ABCF2: variants seen among roughly 807,000 people sequenced by gnomAD.
The protein encoded by ABCF2 is ATP-binding cassette sub-family F member 2.
A neutral mutation model predicts 76.9 loss-of-function variants in ABCF2; 37 were observed. That is an observed-to-expected ratio of 0.48 (90% CI 0.37 to 0.63). ABCF2 has a LOEUF of 0.63. Among genes scored for constraint, ABCF2 ranks in the 30% least tolerant of loss-of-function variants. ABCF2 has a pLI of 0.00. For missense variants in ABCF2, 524 were observed against 782.1 expected, an observed-to-expected ratio of 0.67 and a Z score of 3.94; for synonymous variants, 299 against 283.7, an observed-to-expected ratio of 1.05 and a Z score of -0.54.
At position 151,216,143 on chromosome 7, in the gene ABCF2, A is replaced by G. The variant is rs1333295624; in HGVS notation, c.1339-114T>C. The G allele has an allele frequency of 4.6e-6, 4 of 870,314 alleles. No homozygotes were observed. The African/African-American group carries it at 5.0e-5, about 11-fold the overall frequency. 53.9% of individuals were successfully genotyped at this position (870,314 alleles called of 1,614,324 possible). A position where few individuals can be genotyped will look rare whatever the true frequency, so the allele number is the denominator to read the frequency against. ...CACTGAACAAGACTCAACTTCCTAA[A>G]AAGAATACATCACCAACTCGCACAC... On this transcript the variant is annotated intron_variant, in intron 11 of 14. Coordinates refer to ENST00000287844, the MANE Select transcript of ABCF2 (RefSeq NM_007189.3).
chr7:151,221,357 G>A (rs113287139), intron 7 of ABCF2, among the ~76,000 whole-genome samples: 1 of 151,868 alleles, frequency 6.6e-6, no homozygotes, highest in Non-Finnish European at 1.5e-5. Flanking sequence ...CTGCCACCAC[G>A]CCTGGCTAAT....
chr7:151,218,083 C>G lies in ABCF2; in HGVS notation c.1336G>C (p.Glu446Gln). 1.2e-6 allele frequency: 2 copies of G among 1,611,882 alleles called. No homozygotes were observed. The highest frequency in any genetic ancestry group is 1.7e-6 in the Non-Finnish European group (2 of 1,177,936). ...KSTLLKLLTG[E>Q]LLPTDGMIRK... ...CCACGCCCACCTTGGCACCATACCTCTCCAGTTAGCAGCTTCAGAAGAGTT... is the reference window on the plus strand; with the variant it reads ...CCACGCCCACCTTGGCACCATACCTGTCCAGTTAGCAGCTTCAGAAGAGTT... The change falls in exon 11 of 15, where the codon GAG becomes CAG. Residue 446 changes from glutamate to glutamine, a missense_variant and splice_region_variant. By Grantham distance (29) the Glu-to-Gln change is conservative. This residue lies in a region of ABCF2 where 194 missense variants were observed against 348.6 expected (regional missense o/e 0.56). Transcript: ENST00000287844.
At chr7:151,226,587 G>T in intron 1 of ABCF2, 87 bp from the exon 2 acceptor site, 3 of 1,026,354 alleles carry the variant, frequency 2.9e-6, no homozygotes, top group Non-Finnish European at 4.1e-6. Flanking sequence ...AGGAATCTTC[G>T]TATCAACATC....
In ABCF2 at chr7:151,223,940, T is replaced by G. The variant is rs1235471973; in HGVS notation, c.542A>C (p.His181Pro). The G allele has an allele frequency of 6.2e-7, 1 of 1,613,080 alleles. No individual in the cohort carries two copies. The highest frequency in any genetic ancestry group is 1.1e-5 in the South Asian group (1 of 91,040). The change falls in exon 4 of 15, where the codon CAT (histidine) becomes CCT (proline). Residue 181 changes from histidine (H) to proline (P), a missense_variant. Coordinates refer to ENST00000287844, the MANE Select transcript of ABCF2 (RefSeq NM_007189.3). ...MLEKEAERLA[H>P]EDAECEKLME... ...CAGGTCTGGAGCCCTACCATCCTCATGAGCCAGCCGCTCTGCCTCTTTCTC... is the reference window on the plus strand; with the variant it reads ...CAGGTCTGGAGCCCTACCATCCTCAGGAGCCAGCCGCTCTGCCTCTTTCTC...
At position 151,215,200 on chromosome 7, in the gene ABCF2, G is replaced by T; in HGVS notation, c.1531-118C>A. On this transcript the variant is annotated intron_variant, in intron 13 of 14. Coordinates refer to ENST00000287844, the MANE Select transcript of ABCF2 (RefSeq NM_007189.3). This position sits in a 1 kb window ranked among gnomAD's most constrained non-coding sequence, Gnocchi z 4.6. The stretch of plus-strand genomic sequence containing the variant: ...AGCATCGCCATTTATAAAAAGTGAG[G>T]CTCAGAGAGACCCACTAGTCTCTTG... 1 of 1,022,930 alleles carries T rather than the reference G, an allele frequency of 9.8e-7. No individual in the cohort carries two copies. Among genetic ancestry groups the T allele is most frequent in the Non-Finnish European group, 1.5e-6 (1 of 689,290 alleles). The allele number at this position is 1,022,930 out of a possible 1,614,324, so 63.4% of individuals were successfully genotyped here.
Position 151,214,555 on chromosome 7 carries a change from C to T in ABCF2, c.1734+324G>A, listed in dbSNP as rs1224698160. 2.0e-5 allele frequency among the ~76,000 whole-genome samples: 3 copies of T among 152,196 alleles called. No homozygotes were observed. Among genetic ancestry groups the T allele is most frequent in the Non-Finnish European group, 4.4e-5 (3 of 68,046 alleles). On this transcript the variant is annotated intron_variant, in intron 14 of 14. Coordinates refer to ENST00000287844, the MANE Select transcript of ABCF2 (RefSeq NM_007189.3). This position sits in a 1 kb window ranked among gnomAD's most constrained non-coding sequence, Gnocchi z 4.9. ...GTGGTAGCTGTCTAATCAAAATCCTCCTTAGAATACTATTTTTGGACTGAA... is the reference window on the plus strand; with the variant it reads ...GTGGTAGCTGTCTAATCAAAATCCTTCTTAGAATACTATTTTTGGACTGAA...
At chr7:151,226,269 A>C in intron 2 of ABCF2, 36 bp downstream of exon 2, 1 of 1,604,116 alleles carries the variant, frequency 6.2e-7, no homozygotes, top group Non-Finnish European at 8.5e-7. Context: ...ATTAAGTCTT[A>C]GCAACCATCC....
Position 151,215,406 on chromosome 7 carries a change from T to C in ABCF2, c.1530+198A>G, listed in dbSNP as rs1377363547. Among the ~76,000 whole-genome samples, 1 of 152,202 alleles carries C rather than the reference T, an allele frequency of 6.6e-6. No individual in the cohort carries two copies. Among genetic ancestry groups the C allele is most frequent in the Non-Finnish European group, 1.5e-5 (1 of 68,026 alleles). ...AAGGGCATGTCAGAGACTGGCACGC[T>C]ATCCTTGCCCCCTCAAAATGCTCCA... On this transcript the variant is annotated intron_variant, in intron 13 of 14. Coordinates refer to ENST00000287844, the MANE Select transcript of ABCF2 (RefSeq NM_007189.3). This position sits in a 1 kb window ranked among gnomAD's most constrained non-coding sequence, Gnocchi z 4.6.
rs184763994 is a variant in ABCF2, at chr7:151,215,774, C to T, written c.1402-42G>A. ...AGCCACCCGGGTGTGACTGGCATCC[C>T]GCTTCAAAATAAACCCTACTAGGTA... is the stretch of plus-strand genomic sequence containing the variant. On this transcript the variant is annotated intron_variant, in intron 12 of 14. Transcript: ENST00000287844. This position sits in a 1 kb window ranked among gnomAD's most constrained non-coding sequence, Gnocchi z 4.6. The T allele has an allele frequency of 1.5e-4, 236 of 1,613,670 alleles. 1 individual carries two copies. In the East Asian group the frequency reaches 4.9e-3, roughly 34 times the overall value.
At chr7:151,220,829 A>C (rs906228000) in intron 7 of ABCF2, among the ~76,000 whole-genome samples, 5 of 152,266 alleles carry the variant, frequency 3.3e-5, no homozygotes, top group Admixed American at 2.6e-4. Flanking sequence ...CTCTACTAAA[A>C]ATACAAAAAC....
Position 151,215,147 on chromosome 7 carries a change from T to G in ABCF2, c.1531-65A>C. ...CCCGCCAAACAGCACAGCTCATCTC[T>G]CCCTCATTTCTCCCTGACTCCTCCA... is the stretch of plus-strand genomic sequence containing the variant. On this transcript the variant is annotated intron_variant, in intron 13 of 14. Transcript: ENST00000287844. This position sits in a 1 kb window ranked among gnomAD's most constrained non-coding sequence, Gnocchi z 4.6. 3 of 1,427,898 alleles carry G rather than the reference T, an allele frequency of 2.1e-6. No individual in the cohort carries two copies. The highest frequency in any genetic ancestry group is 1.9e-6 in the Non-Finnish European group (2 of 1,033,232). The allele number at this position is 1,427,898 out of a possible 1,614,324, so 88.5% of individuals were successfully genotyped here. A position where few individuals can be genotyped will look rare whatever the true frequency, so the allele number is the denominator to read the frequency against.
chr7:151,218,222 A>G (rs777382541), intron 10 of ABCF2, 31 bp from the exon 11 acceptor site: 5 of 1,468,948 alleles, frequency 3.4e-6, no homozygotes, highest in Middle Eastern at 3.4e-4. Flanking sequence ...ATGTGGACAC[A>G]AGGCTAGAAT....
chr7:151,211,540 T>C lies in ABCF2; in HGVS notation c.*2514A>G. 1 of 985,298 alleles carries C rather than the reference T, an allele frequency of 1.0e-6. No individual in the cohort carries two copies. The highest frequency in any genetic ancestry group is 1.2e-6 in the Non-Finnish European group (1 of 829,810). 61.0% of individuals were successfully genotyped at this position (985,298 alleles called of 1,614,324 possible). A position where few individuals can be genotyped will look rare whatever the true frequency, so the allele number is the denominator to read the frequency against. On this transcript the variant is annotated 3_prime_UTR_variant, in exon 15 of 15. Coordinates refer to ENST00000287844, the MANE Select transcript of ABCF2 (RefSeq NM_007189.3). ...TAAAGCATTATTTAAATTACCAAGG[T>C]TGACATTTTTCTTGACAAATAAGCT...
chr7:151,220,712 G>A lies in ABCF2; in HGVS notation c.921+866C>T, dbSNP rs1390819076. Reference sequence around the variant, plus strand: ...ATTCAAGAAGGCAGAGGGAGGCCTCGTGTGGTGGCTCATGCCTGTTATCCC... The same window carrying A: ...ATTCAAGAAGGCAGAGGGAGGCCTCATGTGGTGGCTCATGCCTGTTATCCC... On this transcript the variant is annotated intron_variant, in intron 7 of 14. Coordinates refer to ENST00000287844, the MANE Select transcript of ABCF2 (RefSeq NM_007189.3). Among the ~76,000 whole-genome samples, 6 of 152,308 alleles carry A rather than the reference G, an allele frequency of 3.9e-5. No individual in the cohort carries two copies. The East Asian group carries it at 1.2e-3, about 29-fold the overall frequency.
chr7:151,214,770 CCTTCT>C lies in ABCF2; in HGVS notation c.1734+104_1734+108del, dbSNP rs1802116973. On this transcript the variant is annotated intron_variant, in intron 14 of 14. Coordinates refer to ENST00000287844, the MANE Select transcript of ABCF2 (RefSeq NM_007189.3). This position sits in a 1 kb window ranked among gnomAD's most constrained non-coding sequence, Gnocchi z 4.9. ...ACCACCTGTGTCTACACTCTGAGCC[CCTTCT>C]CTTAATTCAGTAGGCGGGTATTATG... 2 of 1,057,682 alleles carry C rather than the reference CCTTCT, an allele frequency of 1.9e-6. No individual in the cohort carries two copies. The highest frequency in any genetic ancestry group is 1.4e-5 in the South Asian group (1 of 69,748). 65.5% of individuals were successfully genotyped at this position (1,057,682 alleles called of 1,614,324 possible). A position where few individuals can be genotyped will look rare whatever the true frequency, so the allele number is the denominator to read the frequency against.
At chr7:151,223,899 C>A (rs758595062) in intron 4 of ABCF2, 33 bp downstream of exon 4, 8 of 1,605,946 alleles carry the variant, frequency 5.0e-6, no homozygotes, top group South Asian at 1.1e-5. Context: ...TCTGGGAGGA[C>A]GCCCACCCCT....
chr7:151,223,067 C>A (rs1248714826), intron 5 of ABCF2, among the ~76,000 whole-genome samples: 1 of 152,192 alleles, frequency 6.6e-6, no homozygotes, highest in African/African-American at 2.4e-5. Flanking sequence ...TTTTTAAAAG[C>A]TCCTTGGGTG....
Position 151,223,936 on chromosome 7 carries a change from C to T in ABCF2, c.546G>A (p.Glu182=), listed in dbSNP as rs1027816801. The T allele has an allele frequency of 4.3e-6, 7 of 1,612,934 alleles. No homozygotes were observed. Among genetic ancestry groups the T allele is most frequent in the East Asian group, 2.2e-5 (1 of 44,862 alleles). The change falls in exon 4 of 15, where the codon GAG becomes GAA. Residue 182 remains glutamate, a synonymous_variant. Coordinates refer to ENST00000287844, the MANE Select transcript of ABCF2 (RefSeq NM_007189.3). Reference sequence around the variant, plus strand: ...TGCCCAGGTCTGGAGCCCTACCATCCTCATGAGCCAGCCGCTCTGCCTCTT... The same window carrying T: ...TGCCCAGGTCTGGAGCCCTACCATCTTCATGAGCCAGCCGCTCTGCCTCTT... ...LEKEAERLAH[E]DAECEKLMEL...
chr7:151,220,387 C>CAAAAAA (rs10706364), intron 7 of ABCF2, among the ~76,000 whole-genome samples: 1 of 82,484 alleles, frequency 1.2e-5, no homozygotes, highest in Non-Finnish European at 2.3e-5. Context: ...GACTCCAGCT[C>CAAAAAA]AAAAAAAAAA....
Sources: allele counts gnomAD v4.1 joint callset (sites outside exome capture counted in the v4.1 genomes callset), GRCh38; gene constraint gnomAD v4.1.1; regional missense constraint gnomAD v4.1.1; non-coding constraint Gnocchi (gnomAD v3.1); transcripts MANE v1.5; gene names NCBI Gene and HGNC (gene_info 2026-07-23, HGNC 2026-07-21).